STXBP5: variants seen among roughly 807,000 people sequenced by gnomAD.
The protein encoded by STXBP5 is syntaxin-binding protein 5.
In STXBP5, 50 loss-of-function variants were observed where a neutral mutation model predicts 152.4. That is an observed-to-expected ratio of 0.33 (90% CI 0.26 to 0.42). The LOEUF (loss-of-function observed/expected upper bound fraction) is 0.42, where lower values mean the gene tolerates loss of function less well. STXBP5 is among the 10% of genes least tolerant of loss of function. The pLI is 1.00. For synonymous variants in STXBP5, 492 were observed against 494.7 expected, an observed-to-expected ratio of 0.99 and a Z score of 0.07; for missense variants, 1,167 against 1,388.6, an observed-to-expected ratio of 0.84 and a Z score of 2.54.
Position 147,363,393 on chromosome 6 carries a change from C to G in STXBP5, c.2604C>G (p.Gly868=). The change falls in exon 24 of 28, where the codon GGC becomes GGG. Residue 868 remains glycine, a synonymous_variant. Transcript: ENST00000321680. ...ILRMAFLDTT[G]CLIPPAYEPW... is the part of the protein sequence containing the mutation. ...GAATGGCATTTCTGGATACCACAGG[C>G]TGCTTAATACCACCTGCGTATGAAC... is the stretch of plus-strand genomic sequence containing the variant. 1 of 1,613,412 alleles carries G rather than the reference C, an allele frequency of 6.2e-7. No homozygotes were observed. Among genetic ancestry groups the G allele is most frequent in the Non-Finnish European group, 8.5e-7 (1 of 1,179,802 alleles).
At chr6:147,367,172 T>C (rs1439688415) in intron 25 of STXBP5, among the ~76,000 whole-genome samples, 2 of 152,190 alleles carry the variant, frequency 1.3e-5, no homozygotes, top group Non-Finnish European at 2.9e-5. Context: ...GTGAAAAATA[T>C]GCTAAATGGC....
intron 2 of STXBP5, among the ~76,000 whole-genome samples, chr6:147,221,313 A>G (rs1176313987): frequency 2.0e-5 from 3 of 152,060 alleles, no homozygotes; most frequent in African/African-American, 7.2e-5. Context: ...TGAAGAAACT[A>G]TTACTACTAG....
In STXBP5 at chr6:147,319,987, G is replaced by A. The variant is rs190747325; in HGVS notation, c.1802+3580G>A. 6.3e-3 allele frequency among the ~76,000 whole-genome samples: 948 copies of A among 151,564 alleles called. 5 individuals carry two copies. Among genetic ancestry groups the A allele is most frequent in the Non-Finnish European group, 9.6e-3 (649 of 67,808 alleles). Reference sequence around the variant, plus strand: ...CTCCCATGTAGCTGGGACTACAAGCGCACACCACCTTGCCCAGCTAATTTT... The same window carrying A: ...CTCCCATGTAGCTGGGACTACAAGCACACACCACCTTGCCCAGCTAATTTT... On this transcript the variant is annotated intron_variant, in intron 16 of 27. Coordinates refer to ENST00000321680, the MANE Select transcript of STXBP5 (RefSeq NM_001127715.4).
At chr6:147,295,509 C>A (rs1781473030) in intron 9 of STXBP5, among the ~76,000 whole-genome samples, 1 of 152,208 alleles carries the variant, frequency 6.6e-6, no homozygotes, top group African/African-American at 2.4e-5. Context: ...TGACTAGAGC[C>A]TCTGAAGGAA....
intron 8 of STXBP5, among the ~76,000 whole-genome samples, chr6:147,289,528 G>A (rs899128193): frequency 4.0e-5 from 6 of 151,868 alleles, no homozygotes; most frequent in African/African-American, 9.7e-5. Flanking sequence ...GTAGGAATTC[G>A]CTAGGGAAAA....
chr6:147,269,111 T>C (rs910605406), intron 7 of STXBP5, among the ~76,000 whole-genome samples: 2 of 152,166 alleles, frequency 1.3e-5, no homozygotes, highest in African/African-American at 4.8e-5. Context: ...TGAATACTGA[T>C]TATTGCATGG....
chr6:147,316,073 C>A (rs1782628333), intron 15 of STXBP5, among the ~76,000 whole-genome samples, 156 bp from the exon 16 acceptor site: 1 of 152,080 alleles, frequency 6.6e-6, no homozygotes, highest in South Asian at 2.1e-4. Flanking sequence ...TTCTTTCTTG[C>A]TAAATCCTTA....
chr6:147,376,629 C>T (rs1785823280), intron 26 of STXBP5, among the ~76,000 whole-genome samples: 1 of 151,834 alleles, frequency 6.6e-6, no homozygotes, highest in South Asian at 2.1e-4. Context: ...CCAGCCTGGG[C>T]AATATAACAA....
intron 21 of STXBP5, among the ~76,000 whole-genome samples, chr6:147,342,350 G>A (rs1457764919): frequency 6.6e-6 from 1 of 152,094 alleles, no homozygotes; most frequent in Non-Finnish European, 1.5e-5. Context: ...TAGCTTCATA[G>A]TTTATTTCCT....
chr6:147,232,576 G>A (rs1778058706), intron 2 of STXBP5, among the ~76,000 whole-genome samples: 1 of 151,726 alleles, frequency 6.6e-6, no homozygotes, highest in Admixed American at 6.6e-5. Context: ...TTATTTACAG[G>A]AAAAGGGAAT....
intron 16 of STXBP5, among the ~76,000 whole-genome samples, chr6:147,322,890 C>T (rs1783009384): frequency 6.6e-6 from 1 of 152,116 alleles, no homozygotes; most frequent in African/African-American, 2.4e-5. Flanking sequence ...CCCTCTTTAT[C>T]TCTTCCTTTC....
chr6:147,315,959 C>G (rs1326839858), intron 15 of STXBP5, among the ~76,000 whole-genome samples: 12 of 152,046 alleles, frequency 7.9e-5, no homozygotes, highest in Admixed American at 7.9e-4. Flanking sequence ...TTAAGGAAAG[C>G]TAATATGAAT....
intron 4 of STXBP5, among the ~76,000 whole-genome samples, chr6:147,240,908 T>C (rs1778508855): frequency 6.6e-6 from 1 of 152,190 alleles, no homozygotes; most frequent in Non-Finnish European, 1.5e-5. Context: ...TAAGTCATGA[T>C]GAGGTAACTG....
At chr6:147,268,448 A>C (rs1259087401) in intron 7 of STXBP5, among the ~76,000 whole-genome samples, 2 of 152,176 alleles carry the variant, frequency 1.3e-5, no homozygotes, top group African/African-American at 4.8e-5. Flanking sequence ...GAGACATCAG[A>C]ACCTATTGAG....
intron 4 of STXBP5, among the ~76,000 whole-genome samples, chr6:147,245,086 G>A (rs891966869): frequency 6.7e-6 from 1 of 148,476 alleles, no homozygotes; most frequent in Non-Finnish European, 1.5e-5. Flanking sequence ...TCTGCCTCCT[G>A]GGTTCAAGCG....
chr6:147,224,168 G>T (rs1394247582), intron 2 of STXBP5, among the ~76,000 whole-genome samples: 1 of 152,260 alleles, frequency 6.6e-6, no homozygotes, highest in Admixed American at 6.5e-5. Flanking sequence ...GCACATGCCT[G>T]TAATCTCAGC....
intron 24 of STXBP5, 97 bp from the exon 25 acceptor site, chr6:147,363,904 A>G (rs1482844320): frequency 1.2e-5 from 17 of 1,419,004 alleles, no homozygotes; most frequent in East Asian, 2.3e-5. Context: ...AAACTAAATC[A>G]TAAGATTTAT....
At chr6:147,290,952 G>A in intron 8 of STXBP5, 142 bp from the exon 9 acceptor site, 1 of 549,298 alleles carries the variant, frequency 1.8e-6, no homozygotes, top group Non-Finnish European at 3.1e-6. Flanking sequence ...ATCTTACTGT[G>A]TATTAAATGC....
At chr6:147,260,114 A>G (rs1779572878) in intron 4 of STXBP5, among the ~76,000 whole-genome samples, 1 of 152,204 alleles carries the variant, frequency 6.6e-6, no homozygotes, top group Non-Finnish European at 1.5e-5. Context: ...ATAGAGATAC[A>G]AAAGTATCAC....
Sources: allele counts gnomAD v4.1 joint callset (sites outside exome capture counted in the v4.1 genomes callset), GRCh38; gene constraint gnomAD v4.1.1; transcripts MANE v1.5; gene names NCBI Gene and HGNC (gene_info 2026-07-23, HGNC 2026-07-21).